SND1: variants seen among roughly 807,000 people sequenced by gnomAD.
SND1 encodes staphylococcal nuclease and tudor domain containing 1.
SND1 carries 38 observed loss-of-function variants against 121.7 expected under a neutral mutation model. That is an observed-to-expected ratio of 0.31 (90% confidence interval 0.24 to 0.41). SND1 has a LOEUF of 0.41. Among genes scored for constraint, SND1 ranks in the 10% least tolerant of loss-of-function variants. The pLI, the probability that SND1 is intolerant of heterozygous loss-of-function variation, is 1.00. For missense variants in SND1, 868 were observed against 1,184.6 expected (o/e 0.73, Z 3.92); for synonymous variants, 401 against 447.4 (o/e 0.90, Z 1.31).
chr7:127,890,157 G>A (rs1413791656), intron 13 of SND1, among the ~76,000 whole-genome samples: 1 of 151,936 alleles, frequency 6.6e-6, no homozygotes, highest in Non-Finnish European at 1.5e-5. Flanking sequence ...AGTGTACGAG[G>A]GCTCCCTTTT....
chr7:127,654,999 A>G (rs1382817050), intron 1 of SND1, among the ~76,000 whole-genome samples: 2 of 152,238 alleles, frequency 1.3e-5, no homozygotes, highest in Admixed American at 6.5e-5. Context: ...GAGCTCTGTG[A>G]CAGATGAAAG....
At chr7:127,653,997 A>G (rs536206327) in intron 1 of SND1, among the ~76,000 whole-genome samples, 4 of 152,358 alleles carry the variant, frequency 2.6e-5, no homozygotes, top group African/African-American at 4.8e-5. Context: ...CCATAGGAAC[A>G]AAAACATCTC....
chr7:127,973,788 C>T (rs1233158765), intron 15 of SND1, among the ~76,000 whole-genome samples: 1 of 152,194 alleles, frequency 6.6e-6, no homozygotes, highest in Non-Finnish European at 1.5e-5. Context: ...CATTCCTTTC[C>T]AAAATTTAGC....
At chr7:127,922,281 G>A (rs1202804345) in intron 14 of SND1, among the ~76,000 whole-genome samples, 1 of 138,862 alleles carries the variant, frequency 7.2e-6, no homozygotes, top group Non-Finnish European at 1.5e-5. Flanking sequence ...TTTGCCTCAG[G>A]CAAAACATTA....
chr7:127,996,990 G>T (rs1012258783), intron 16 of SND1, among the ~76,000 whole-genome samples: 1 of 152,210 alleles, frequency 6.6e-6, no homozygotes, highest in African/African-American at 2.4e-5. Flanking sequence ...AAAAACTCCT[G>T]TCTTAATAGC....
chr7:127,741,280 A>G (rs1340869201), intron 10 of SND1, among the ~76,000 whole-genome samples: 2 of 152,212 alleles, frequency 1.3e-5, no homozygotes, highest in Non-Finnish European at 2.9e-5. Context: ...TGCCTTATAT[A>G]TAATTAACTT....
chr7:127,956,258 C>T lies in SND1; in HGVS notation c.1669+26929C>T, dbSNP rs560369153. Among the ~76,000 whole-genome samples the T allele has an allele frequency of 1.2e-4, 18 of 152,260 alleles. No homozygotes were observed. In the South Asian group the frequency reaches 1.7e-3, roughly 14 times the overall value. On this transcript the variant is annotated intron_variant, in intron 15 of 23. Transcript: ENST00000354725. ...TGATCTCCTGCGAAGTCTCTGCTCC[C>T]GCCTCCTTGCTCTATGACCATACCT...
chr7:127,653,273 C>T (rs1341511857), intron 1 of SND1, among the ~76,000 whole-genome samples: 1 of 152,182 alleles, frequency 6.6e-6, no homozygotes, highest in Non-Finnish European at 1.5e-5. Context: ...CTCCTAGCTC[C>T]ATGATAATTT....
At chr7:128,028,024 T>G (rs1221762246) in intron 16 of SND1, 1 of 152,688 alleles carries the variant, frequency 6.5e-6, no homozygotes, top group Non-Finnish European at 1.5e-5. Flanking sequence ...CCCCCAAGAC[T>G]TGTGCACATG....
intron 1 of SND1, among the ~76,000 whole-genome samples, chr7:127,658,367 G>A (rs1795247857): frequency 6.6e-6 from 1 of 152,102 alleles, no homozygotes; most frequent in South Asian, 2.1e-4. Flanking sequence ...TCATATGCTT[G>A]TTTCTAATAG....
intron 16 of SND1, among the ~76,000 whole-genome samples, chr7:128,043,839 T>C (rs1283818335): frequency 8.8e-6 from 1 of 114,274 alleles, no homozygotes; most frequent in Non-Finnish European, 1.7e-5. Context: ...TATATGTATA[T>C]ATGTGTGTAT....
chr7:128,067,386 T>C (rs1429208150), intron 16 of SND1, among the ~76,000 whole-genome samples: 1 of 152,190 alleles, frequency 6.6e-6, no homozygotes, highest in Non-Finnish European at 1.5e-5. Context: ...CACATGGAAA[T>C]GATGGAGAAT....
chr7:127,995,765 C>T (rs1011016727), intron 16 of SND1, among the ~76,000 whole-genome samples: 1 of 152,082 alleles, frequency 6.6e-6, no homozygotes, highest in Non-Finnish European at 1.5e-5. Flanking sequence ...TGGAGAAACC[C>T]GAAGTCTTAA....
chr7:127,799,612 A>G (rs1798092122), intron 10 of SND1, among the ~76,000 whole-genome samples: 2 of 152,304 alleles, frequency 1.3e-5, no homozygotes, highest in South Asian at 2.1e-4. Context: ...TGTACATTTT[A>G]TCACGTAGAT....
chr7:127,824,814 A>C (rs1445278745), intron 11 of SND1, among the ~76,000 whole-genome samples: 1 of 151,918 alleles, frequency 6.6e-6, no homozygotes, highest in Non-Finnish European at 1.5e-5. Context: ...TTAGTTCCTG[A>C]CCTTGGAAAG....
chr7:128,048,265 CTTT>C (rs572752218), intron 16 of SND1, among the ~76,000 whole-genome samples: 3 of 138,714 alleles, frequency 2.2e-5, no homozygotes, highest in Non-Finnish European at 4.7e-5. Flanking sequence ...GATTTTTTTT[CTTT>C]TTTTTTTTTT....
At chr7:128,071,648 C>T (rs1361796236) in intron 16 of SND1, among the ~76,000 whole-genome samples, 2 of 152,206 alleles carry the variant, frequency 1.3e-5, no homozygotes, top group South Asian at 2.1e-4. Context: ...TCCCAGAGTT[C>T]AAGAAGCGTC....
chr7:127,851,214 T>C (rs1799160260), intron 12 of SND1, among the ~76,000 whole-genome samples: 1 of 152,212 alleles, frequency 6.6e-6, no homozygotes, highest in South Asian at 2.1e-4. Context: ...CCCTTTTTGC[T>C]TTTTATACTG....
chr7:127,767,306 T>A (rs1380054673), intron 10 of SND1, among the ~76,000 whole-genome samples: 1 of 152,196 alleles, frequency 6.6e-6, no homozygotes. Context: ...TCCAACCAGA[T>A]GCTTGCATGG....
Sources: allele counts gnomAD v4.1 joint callset (sites outside exome capture counted in the v4.1 genomes callset), GRCh38; gene constraint gnomAD v4.1.1; transcripts MANE v1.5; gene names NCBI Gene and HGNC (gene_info 2026-07-23, HGNC 2026-07-21).